The following MTMR10 variants were observed in gnomAD, a reference collection of about 807,000 sequenced individuals.
The protein encoded by MTMR10 is myotubularin-related protein 10.
MTMR10 carries 56 observed loss-of-function variants against 88.1 expected under a neutral mutation model. That is an observed-to-expected ratio of 0.64 (90% CI 0.51 to 0.79). The LOEUF (loss-of-function observed/expected upper bound fraction) is 0.79. MTMR10 is among the 30% of genes least tolerant of loss of function. MTMR10 has a pLI of 0.00. For missense variants in MTMR10, 883 were observed against 924.7 expected (o/e 0.95, Z 0.58); for synonymous variants, 380 against 340.9 (o/e 1.11, Z -1.26).
At chr15:30,990,931 C>T (rs1595957905) in intron 1 of MTMR10, 94 bp from the exon 2 acceptor site, 1 of 1,035,680 alleles carries the variant, frequency 9.7e-7, no homozygotes, top group Non-Finnish European at 1.4e-6. Context: ...ATGACACATG[C>T]GAAAGACACA....
At chr15:30,929,561 A>AT in the MTMR10 span, among the ~76,000 whole-genome samples, 1 of 128,814 alleles carries the variant, frequency 7.8e-6, no homozygotes, top group African/African-American at 3.0e-5. Context: ...AATATATATT[A>AT]TATCTTTATT....
rs779369446 is a variant in MTMR10 at position 30,941,725 on chromosome 15, G to C, written c.2079C>G (p.Ser693Arg). ...SLLADEVDVL[S>R]RMLRQQRSGP... ...CACTGCGCTGTTGCCGCAGCATCCTGCTCAGTACGTCGACTTCATCAGCCA... is the reference window on the plus strand; with the variant it reads ...CACTGCGCTGTTGCCGCAGCATCCTCCTCAGTACGTCGACTTCATCAGCCA... The change falls in exon 16 of 16, where the codon AGC (serine) becomes AGG (arginine). Residue 693 changes from serine (S) to arginine (R), a missense_variant. By Grantham distance (110) the Ser-to-Arg change is moderately radical (BLOSUM62 -1). Coordinates refer to ENST00000435680, the MANE Select transcript of MTMR10 (RefSeq NM_017762.3). 3.1e-6 allele frequency: 5 copies of C among 1,613,958 alleles called. No homozygotes were observed. The highest frequency in any genetic ancestry group is 4.2e-6 in the Non-Finnish European group (5 of 1,179,870).
the MTMR10 span, chr15:30,928,531 T>TGTGTGTGTGG: frequency 6.2e-7 from 1 of 1,612,558 alleles, no homozygotes; most frequent in Non-Finnish European, 8.5e-7. Context: ...TGTGTGTGTG[T>TGTGTGTGTGG]GTGTGTGTGA....
intron 4 of MTMR10, 38 bp downstream of exon 4, chr15:30,974,892 TG>T: frequency 7.8e-7 from 1 of 1,278,264 alleles, no homozygotes; most frequent in Non-Finnish European, 1.1e-6. Flanking sequence ...ACTTCCAGAG[TG>T]GAATTGACTT....
chr15:30,941,346 T>C lies in MTMR10; in HGVS notation c.*124A>G, dbSNP rs1203155741. ...GATTCAACATGTTTTTAAATATTAG[T>C]GCAAATTCCAACTATTATTCTTACA... On this transcript the variant is annotated 3_prime_UTR_variant, in exon 16 of 16. Transcript: ENST00000435680. 11 of 1,534,964 alleles carry C rather than the reference T, an allele frequency of 7.2e-6. No homozygotes were observed. In the East Asian group the frequency reaches 2.7e-4, roughly 38 times the overall value.
intron 5 of MTMR10, among the ~76,000 whole-genome samples, chr15:30,970,960 T>C (rs1458612219): frequency 6.6e-6 from 1 of 152,176 alleles, no homozygotes; most frequent in Non-Finnish European, 1.5e-5. Context: ...TTCAAGTGTA[T>C]AACTTATGTT....
At chr15:30,925,240 C>G in the MTMR10 span, 2 of 1,613,996 alleles carry the variant, frequency 1.2e-6, no homozygotes, top group Non-Finnish European at 1.7e-6. Flanking sequence ...GTAAAAAGTT[C>G]AAGCACCTCT....
intron 9 of MTMR10, among the ~76,000 whole-genome samples, 174 bp from the exon 10 acceptor site, chr15:30,955,067 T>C (rs549982007): frequency 2.0e-5 from 3 of 152,184 alleles, no homozygotes; most frequent in African/African-American, 7.2e-5. Context: ...ATTTTTTAGT[T>C]TTAGAGACTA....
intron 6 of MTMR10, among the ~76,000 whole-genome samples, chr15:30,963,447 G>A (rs964301835): frequency 3.3e-5 from 5 of 151,918 alleles, no homozygotes; most frequent in Admixed American, 6.5e-5. Context: ...TGGCTAACAC[G>A]GTGAAACCCT....
intron 7 of MTMR10, among the ~76,000 whole-genome samples, chr15:30,960,640 T>A (rs1409989397): frequency 6.6e-6 from 1 of 152,224 alleles, no homozygotes; most frequent in East Asian, 1.9e-4. Context: ...AGTTACAAGA[T>A]ATAATGCAAT....
At chr15:30,969,901 A>G (rs2063517142) in intron 5 of MTMR10, among the ~76,000 whole-genome samples, 1 of 152,050 alleles carries the variant, frequency 6.6e-6, no homozygotes, top group Admixed American at 6.6e-5. Flanking sequence ...TTAGCCAACT[A>G]TGCTTTCTTG....
the MTMR10 span, chr15:30,925,192 G>GT: frequency 1.9e-6 from 3 of 1,614,028 alleles, no homozygotes; most frequent in Non-Finnish European, 1.7e-6. Context: ...GCCTTTCACT[G>GT]TATCAGCGAG....
chr15:30,955,399 T>C (rs965292121), intron 9 of MTMR10, among the ~76,000 whole-genome samples: 2 of 151,822 alleles, frequency 1.3e-5, no homozygotes, highest in Non-Finnish European at 2.9e-5. Flanking sequence ...CCCTCCCGAG[T>C]AGTTGGGATT....
At position 30,954,781 on chromosome 15, in the gene MTMR10, T is replaced by G; in HGVS notation, c.1048A>C (p.Lys350Gln). The G allele has an allele frequency of 6.2e-7, 1 of 1,602,034 alleles. No homozygotes were observed. The highest frequency in any genetic ancestry group is 8.5e-7 in the Non-Finnish European group (1 of 1,174,736). The change falls in exon 10 of 16, where the codon AAG becomes CAG. Residue 350 changes from lysine (K) to glutamine (Q), a missense_variant. Lys to Gln is a moderately conservative substitution (Grantham distance 53). Coordinates refer to ENST00000435680, the MANE Select transcript of MTMR10 (RefSeq NM_017762.3). Reference sequence around the variant, plus strand: ...AAATTACCATTAACGCATAGCTGCTTCAGTTTTACAAATGCTGCCTGTACT... The same window carrying G: ...AAATTACCATTAACGCATAGCTGCTGCAGTTTTACAAATGCTGCCTGTACT... ...QEVQAAFVKL[K>Q]QLCVNEPFEE...
At chr15:30,928,651 T>C in the MTMR10 span, 1 of 1,614,042 alleles carries the variant, frequency 6.2e-7, no homozygotes, top group Non-Finnish European at 8.5e-7. Flanking sequence ...CAGAAACGCC[T>C]GTCAGGTACT....
At chr15:30,991,022 T>TA (rs896997747) in intron 1 of MTMR10, among the ~76,000 whole-genome samples, 185 bp from the exon 2 acceptor site, 2 of 152,150 alleles carry the variant, frequency 1.3e-5, no homozygotes, top group East Asian at 1.9e-4. Context: ...AGCCTAATAA[T>TA]AAAAAATGTT....
chr15:30,981,710 T>TA (rs1283767291), intron 2 of MTMR10, among the ~76,000 whole-genome samples: 1 of 152,234 alleles, frequency 6.6e-6, no homozygotes. Flanking sequence ...AACAGAAATC[T>TA]AGTAATTATA....
rs753531931 is a variant in MTMR10, at chr15:30,947,130, C to T, written c.1548G>A (p.Thr516=). Residue 516 remains threonine, a splice_region_variant and synonymous_variant, in exon 14 of 16, where the codon ACG becomes ACA. Transcript: ENST00000435680. ...NSPHQRVKQS[T]EFAISKNIQL... is the part of the protein sequence containing the mutation. ...TAGCCACAGCCACAGGGTTGCTTAC[C>T]GTGCTTTGCTTCACTCGCTGGTGAG... 8.8e-6 allele frequency: 14 copies of T among 1,598,740 alleles called. No individual in the cohort carries two copies. The highest frequency in any genetic ancestry group is 1.7e-4 in the Middle Eastern group (1 of 6,016).
At chr15:30,923,697 C>T in the MTMR10 span, among the ~76,000 whole-genome samples, 1 of 152,266 alleles carries the variant, frequency 6.6e-6, no homozygotes, top group South Asian at 2.1e-4. Flanking sequence ...GCACCGTCTT[C>T]TGCCAGCGAA....
Sources: gnomAD v4.1 joint callset for allele counts (sites outside exome capture counted in the v4.1 genomes callset) on GRCh38, gnomAD v4.1.1 for gene constraint, MANE v1.5 for transcripts, NCBI Gene and HGNC (gene_info 2026-07-23, HGNC 2026-07-21) for gene names.